Variants in PROM2 observed in about 807,000 individuals in gnomAD.
PROM2 encodes prominin-2.
PROM2 carries 90 observed loss-of-function variants against 110.2 expected under a neutral mutation model. The ratio of observed to expected loss-of-function variants is 0.82; its 90% CI spans 0.69 to 0.97. The LOEUF (loss-of-function observed/expected upper bound fraction) is 0.97, where lower values mean the gene tolerates loss of function less well. Among genes scored for constraint, PROM2 ranks in the 50% least tolerant of loss-of-function variants. The pLI, the probability that PROM2 is intolerant of heterozygous loss-of-function variation, is 0.00. For missense variants in PROM2, 1,009 were observed against 1,074.8 expected (o/e 0.94, Z 0.86); for synonymous variants, 470 against 467.8 (o/e 1.00, Z -0.06).
Position 95,279,911 on chromosome 2 carries a change from C to T in PROM2, c.1341C>T (p.Leu447=), listed in dbSNP as rs751260283. 6.4e-6 allele frequency: 10 copies of T among 1,560,874 alleles called. No homozygotes were observed. The East Asian group carries it at 1.5e-4, about 23-fold the overall frequency. Residue 447 remains leucine, a synonymous_variant, in exon 11 of 24, where the codon CTC becomes CTT. Coordinates refer to ENST00000317620, the MANE Select transcript of PROM2 (RefSeq NM_001165978.3). ...TGGTGCTCTGCAACCTGCTGGGCCT[C>T]AATCTGGGCATCTGGGGCCTGTCTG... ...LFVVLCNLLG[L]NLGIWGLSAR...
chr2:95,280,219 T>C (rs1308511684), intron 11 of PROM2, among the ~76,000 whole-genome samples: 1 of 152,092 alleles, frequency 6.6e-6, no homozygotes, highest in Non-Finnish European at 1.5e-5. Flanking sequence ...AGACACAGCC[T>C]AGAGTCCCTA....
intron 15 of PROM2, 89 bp downstream of exon 15, chr2:95,285,204 T>G: frequency 7.3e-7 from 1 of 1,372,646 alleles, no homozygotes; most frequent in African/African-American, 1.5e-5. Context: ...CATCTTGCCT[T>G]GTCCCAGCTC....
rs1176430222 is a variant in PROM2, at chr2:95,276,963, G to T, written c.683-9G>T. On this transcript the variant is annotated splice_polypyrimidine_tract_variant and intron_variant, in intron 5 of 23. Coordinates refer to ENST00000317620, the MANE Select transcript of PROM2 (RefSeq NM_001165978.3). This position sits in a 1 kb window ranked among gnomAD's most constrained non-coding sequence, Gnocchi z 4.6. Reference sequence around the variant, plus strand: ...GGTCCCACCCTGCAGACTGCCCTGTGCTCTGCAGGTGTTGGTGTGAGCATT... The same window carrying T: ...GGTCCCACCCTGCAGACTGCCCTGTTCTCTGCAGGTGTTGGTGTGAGCATT... 6.4e-7 allele frequency: 1 copy of T among 1,551,264 alleles called. No homozygotes were observed. The highest frequency in any genetic ancestry group is 8.7e-7 in the Non-Finnish European group (1 of 1,146,664).
At chr2:95,278,591 C>G in intron 8 of PROM2, 130 bp from the exon 9 acceptor site, 1 of 1,048,364 alleles carries the variant, frequency 9.5e-7, no homozygotes, top group South Asian at 1.3e-5. Context: ...AGGAGGGCAG[C>G]GACCAAGAGA....
In PROM2 at chr2:95,281,263, C is replaced by A; in HGVS notation, c.1449C>A (p.Leu483=). 6.2e-7 allele frequency: 1 copy of A among 1,613,278 alleles called. No individual in the cohort carries two copies. Among genetic ancestry groups the A allele is most frequent in the Non-Finnish European group, 8.5e-7 (1 of 1,180,008 alleles). ...CCAGAGGTGTGGGCCTCAGCTTCCT[C>A]TTTGCTGCACCCCTCATCCTCCTGG... ...FLMAGVGLSF[L]FAAPLILLVF... is the part of the protein sequence containing the mutation. Residue 483 remains leucine (L), a synonymous_variant, in exon 12 of 24, where the codon CTC becomes CTA. Coordinates refer to ENST00000317620, the MANE Select transcript of PROM2 (RefSeq NM_001165978.3).
chr2:95,284,825 A>T (rs1677250118), intron 14 of PROM2, 144 bp from the exon 15 acceptor site: 1 of 964,034 alleles, frequency 1.0e-6, no homozygotes, highest in East Asian at 2.7e-5. Flanking sequence ...CACCCCCAAC[A>T]CCGGGGATCA....
chr2:95,278,945 G>A (rs1676844822), intron 9 of PROM2, 40 bp from the exon 10 acceptor site: 16 of 1,597,376 alleles, frequency 1.0e-5, no homozygotes, highest in Non-Finnish European at 1.4e-5. Flanking sequence ...GGGCCCCAGG[G>A]TGCCCTCCGC....
At chr2:95,277,173 C>T (rs1289366037) in intron 6 of PROM2, 112 bp downstream of exon 6, 2 of 1,169,678 alleles carry the variant, frequency 1.7e-6, no homozygotes, top group Admixed American at 2.4e-5. Flanking sequence ...CCACCTGTGA[C>T]TTCCCCATCG....
intron 20 of PROM2, 23 bp from the exon 21 acceptor site, chr2:95,288,188 C>G (rs755844400): frequency 6.2e-7 from 1 of 1,611,502 alleles, no homozygotes; most frequent in South Asian, 1.1e-5. Flanking sequence ...CTCTGCATCA[C>G]CTGCCTCATG....
Position 95,277,961 on chromosome 2 carries a change from T to C in PROM2, c.1007T>C (p.Leu336Pro), listed in dbSNP as rs541316361. The change falls in exon 8 of 24, where the codon CTA (leucine) becomes CCA (proline). Residue 336 changes from leucine to proline, a missense_variant. Physicochemically the swap from Leu to Pro is moderately conservative, Grantham distance 98 (BLOSUM62 -3). Coordinates refer to ENST00000317620, the MANE Select transcript of PROM2 (RefSeq NM_001165978.3). ...VPSVDHVLHQ[L>P]KGVPEANFSS... ...TCTGTGGACCATGTCCTGCACCAGCTAAAAGGTGTCCCCGAGGCCAACTTC... is the reference window on the plus strand; with the variant it reads ...TCTGTGGACCATGTCCTGCACCAGCCAAAAGGTGTCCCCGAGGCCAACTTC... 1.2e-6 allele frequency: 2 copies of C among 1,612,496 alleles called. No homozygotes were observed. Among genetic ancestry groups the C allele is most frequent in the South Asian group, 2.2e-5 (2 of 90,422 alleles).
In PROM2 at chr2:95,279,923, C is replaced by A; in HGVS notation, c.1353C>A (p.Ile451=). 1 of 1,556,328 alleles carries A rather than the reference C, an allele frequency of 6.4e-7. No homozygotes were observed. The highest frequency in any genetic ancestry group is 8.7e-7 in the Non-Finnish European group (1 of 1,149,182). ...LCNLLGLNLG[I]WGLSARDDPS... Reference sequence around the variant, plus strand: ...ACCTGCTGGGCCTCAATCTGGGCATCTGGGGCCTGTCTGCCAGGGACGACC... The same window carrying A: ...ACCTGCTGGGCCTCAATCTGGGCATATGGGGCCTGTCTGCCAGGGACGACC... Residue 451 remains isoleucine (I), a synonymous_variant, in exon 11 of 24, where the codon ATC becomes ATA. Transcript: ENST00000317620.
intron 17 of PROM2, 105 bp from the exon 18 acceptor site, chr2:95,286,699 C>T (rs1330616499): frequency 2.7e-5 from 19 of 702,666 alleles, no homozygotes; most frequent in Non-Finnish European, 3.7e-5. Context: ...CCCTCCTCTC[C>T]CCTCCTCTCC....
Position 95,276,633 on chromosome 2 carries a change from G to A in PROM2, c.658G>A (p.Glu220Lys). The change falls in exon 5 of 24, where the codon GAG becomes AAG. Residue 220 changes from glutamate to lysine, a missense_variant. Transcript: ENST00000317620. This position sits in a 1 kb window ranked among gnomAD's most constrained non-coding sequence, Gnocchi z 4.6. ...AVAQQFSLPQ[E>K]QVSEELDGVG... ...GGCACAGCAATTCTCCCTGCCCCAG[G>A]AGCAAGTCTCAGAGGAGCTGGATGG... 6.2e-7 allele frequency: 1 copy of A among 1,613,328 alleles called. No homozygotes were observed. The highest frequency in any genetic ancestry group is 2.2e-5 in the East Asian group (1 of 44,866).
chr2:95,281,481 G>C, intron 12 of PROM2, 116 bp downstream of exon 12: 1 of 1,238,408 alleles, frequency 8.1e-7, no homozygotes, highest in Non-Finnish European at 1.1e-6. Flanking sequence ...AGAGGGAGGG[G>C]AGGAGTGAGA....
At position 95,277,783 on chromosome 2, in the gene PROM2, C is replaced by T. The variant is rs970410175; in HGVS notation, c.976-147C>T. The T allele has an allele frequency of 1.3e-4, 102 of 805,394 alleles. 1 individual carries two copies. Among genetic ancestry groups the T allele is most frequent in the South Asian group, 6.7e-4 (41 of 61,398 alleles). The allele number at this position is 805,394 out of a possible 1,614,324, so 49.9% of individuals were successfully genotyped here. On this transcript the variant is annotated intron_variant, in intron 7 of 23. Transcript: ENST00000317620. ...TGTGAGCTCCTTGAGTTCTTGCTGC[C>T]ACCAGGGGCAGTAAGAGCCATGGCA...
At chr2:95,286,925 C>A in intron 18 of PROM2, 68 bp downstream of exon 18, 1 of 1,534,400 alleles carries the variant, frequency 6.5e-7, no homozygotes, top group Non-Finnish European at 9.0e-7. Flanking sequence ...AAGTAGGAGC[C>A]CATCTCACTC....
Position 95,277,463 on chromosome 2 carries a change from G to C in PROM2, c.872G>C (p.Arg291Pro), listed in dbSNP as rs1055874246. Residue 291 changes from arginine (R) to proline (P), a missense_variant, in exon 7 of 24, where the codon CGG becomes CCG. By Grantham distance (103) the Arg-to-Pro change is moderately radical (BLOSUM62 -2). Transcript: ENST00000317620. ...CTGGAGCCAGCCATCCGGGAACACCGGGACCGCCTCCTTGAGCTGCTGCAG... is the reference window on the plus strand; with the variant it reads ...CTGGAGCCAGCCATCCGGGAACACCCGGACCGCCTCCTTGAGCTGCTGCAG... ...QDLEPAIREH[R>P]DRLLELLQEA... is the part of the protein sequence containing the mutation. The C allele has an allele frequency of 6.2e-7, 1 of 1,612,984 alleles. No individual in the cohort carries two copies. The highest frequency in any genetic ancestry group is 8.5e-7 in the Non-Finnish European group (1 of 1,179,910).
At chr2:95,284,621 C>T (rs1677236882) in intron 14 of PROM2, among the ~76,000 whole-genome samples, 1 of 152,230 alleles carries the variant, frequency 6.6e-6, no homozygotes. Context: ...GAAGCTTCCA[C>T]TCATGGCCGA....
chr2:95,286,924 C>A, intron 18 of PROM2, 67 bp downstream of exon 18: 2 of 1,537,988 alleles, frequency 1.3e-6, no homozygotes, highest in Non-Finnish European at 1.8e-6. Context: ...GAAGTAGGAG[C>A]CCATCTCACT....
Sources: allele counts gnomAD v4.1 joint callset (sites outside exome capture counted in the v4.1 genomes callset), GRCh38; gene constraint gnomAD v4.1.1; non-coding constraint Gnocchi (gnomAD v3.1); transcripts MANE v1.5; gene names NCBI Gene and HGNC (gene_info 2026-07-23, HGNC 2026-07-21).